SORCS3: variants seen among roughly 807,000 people sequenced by gnomAD.
SORCS3 encodes the protein sortilin related VPS10 domain containing receptor 3.
In SORCS3, 57 loss-of-function variants were observed where a neutral mutation model predicts 146.3. That is an observed-to-expected ratio of 0.39 (90% CI 0.31 to 0.49). SORCS3 has a LOEUF of 0.49. Ranked by LOEUF, SORCS3 falls within the 20% of genes least tolerant of loss-of-function variation. The probability of loss-of-function intolerance (pLI) is 0.92; values close to 1 mark genes in which losing one functional copy is unlikely to be tolerated. For synonymous variants in SORCS3, 653 were observed against 618.5 expected (o/e 1.06, Z -0.83); for missense variants, 1,341 against 1,575.5 (o/e 0.85, Z 2.52).
chr10:104,972,252 T>A (rs1805945005), intron 3 of SORCS3, among the ~76,000 whole-genome samples: 1 of 152,164 alleles, frequency 6.6e-6, no homozygotes, highest in Admixed American at 6.6e-5. Context: ...GTCAGGTTAT[T>A]ATTGAGGAAG....
At chr10:105,064,658 A>C (rs992664796) in intron 5 of SORCS3, among the ~76,000 whole-genome samples, 1 of 152,160 alleles carries the variant, frequency 6.6e-6, no homozygotes, top group Non-Finnish European at 1.5e-5. Context: ...TCTGATGTTC[A>C]AGGGTGGGAG....
chr10:105,128,232 G>A (rs536787150), intron 7 of SORCS3, among the ~76,000 whole-genome samples: 3 of 152,112 alleles, frequency 2.0e-5, no homozygotes, highest in Admixed American at 6.6e-5. Context: ...GAGCATGATG[G>A]GGAAGCTCCA....
rs532439439 is a variant in SORCS3 at position 104,937,002 on chromosome 10, C to T, written c.795+21070C>T. Among the ~76,000 whole-genome samples, 4 of 152,264 alleles carry T rather than the reference C, an allele frequency of 2.6e-5. No individual in the cohort carries two copies. In the South Asian group the frequency reaches 8.3e-4, roughly 32 times the overall value. ...CCCCAACCTTTTTGGTACCAGGGAC[C>T]AGTTTTGTGAAAGACAATTTTTCCA... On this transcript the variant is annotated intron_variant, in intron 3 of 26. Coordinates refer to ENST00000369701, the MANE Select transcript of SORCS3 (RefSeq NM_014978.3).
At chr10:104,813,979 G>A (rs1322851043) in intron 1 of SORCS3, among the ~76,000 whole-genome samples, 1 of 149,338 alleles carries the variant, frequency 6.7e-6, no homozygotes, top group Admixed American at 6.7e-5. Flanking sequence ...AATAGTTTAG[G>A]AAGACTTATG....
At chr10:105,154,034 C>T (rs888637292) in intron 9 of SORCS3, among the ~76,000 whole-genome samples, 1 of 135,150 alleles carries the variant, frequency 7.4e-6, no homozygotes, top group Non-Finnish European at 1.5e-5. Flanking sequence ...GGTGCCACTG[C>T]ACTCTAGCCC....
intron 1 of SORCS3, among the ~76,000 whole-genome samples, chr10:104,758,243 G>A (rs546643416): frequency 1.3e-5 from 2 of 152,166 alleles, no homozygotes; most frequent in East Asian, 1.9e-4. Flanking sequence ...GCTTTGTTGC[G>A]GTGGGTATGA....
chr10:105,256,725 T>C, intron 24 of SORCS3, 94 bp from the exon 25 acceptor site: 1 of 872,172 alleles, frequency 1.1e-6, no homozygotes. Flanking sequence ...AGGATGGAGA[T>C]CAGTGGCCTC....
chr10:104,834,751 GTT>G (rs2018047000), intron 1 of SORCS3, among the ~76,000 whole-genome samples: 2 of 150,450 alleles, frequency 1.3e-5, no homozygotes, highest in Admixed American at 6.6e-5. Flanking sequence ...AAAGAGGCTG[GTT>G]TGTTTTCTTT....
At chr10:105,054,777 A>G (rs569313864) in intron 5 of SORCS3, among the ~76,000 whole-genome samples, 1 of 152,264 alleles carries the variant, frequency 6.6e-6, no homozygotes, top group South Asian at 2.1e-4. Context: ...TGGCCAGAAC[A>G]CATTGTGTTT....
intron 4 of SORCS3, among the ~76,000 whole-genome samples, chr10:105,018,773 T>C (rs1434709768): frequency 6.6e-6 from 1 of 152,304 alleles, no homozygotes; most frequent in South Asian, 2.1e-4. Context: ...TGACTAATTA[T>C]AGTTATATAC....
chr10:104,978,952 G>A (rs2054917690), intron 4 of SORCS3, among the ~76,000 whole-genome samples: 1 of 152,106 alleles, frequency 6.6e-6, no homozygotes, highest in East Asian at 1.9e-4. Flanking sequence ...TCTTTCAGTT[G>A]CTTGCCCTAC....
intron 14 of SORCS3, among the ~76,000 whole-genome samples, chr10:105,189,956 A>G (rs2056505974): frequency 6.6e-6 from 1 of 152,216 alleles, no homozygotes; most frequent in Non-Finnish European, 1.5e-5. Flanking sequence ...CATAATTGGA[A>G]CTTTCTAGAT....
At chr10:105,254,707 G>A (rs2056919938) in intron 23 of SORCS3, among the ~76,000 whole-genome samples, 1 of 151,978 alleles carries the variant, frequency 6.6e-6, no homozygotes, top group Admixed American at 6.6e-5. Context: ...GCTGAGGCAG[G>A]AGAATCGCTT....
At chr10:104,973,084 G>T (rs984923765) in intron 3 of SORCS3, among the ~76,000 whole-genome samples, 1 of 151,970 alleles carries the variant, frequency 6.6e-6, no homozygotes, top group Admixed American at 6.6e-5. Flanking sequence ...ATGTGCTGCT[G>T]GATTCGTTTT....
intron 20 of SORCS3, among the ~76,000 whole-genome samples, chr10:105,244,106 G>T (rs1456593400): frequency 1.3e-5 from 2 of 152,142 alleles, no homozygotes; most frequent in Non-Finnish European, 2.9e-5. Context: ...AGCTGCCTTA[G>T]ATCAGCCTCC....
At chr10:104,673,264 T>G (rs2133258934) in intron 1 of SORCS3, among the ~76,000 whole-genome samples, 1 of 152,310 alleles carries the variant, frequency 6.6e-6, no homozygotes, top group South Asian at 2.1e-4. Flanking sequence ...AGTTAATTAC[T>G]GATAAGGAGG....
At chr10:104,799,079 A>G (rs1350853611) in intron 1 of SORCS3, among the ~76,000 whole-genome samples, 1 of 152,178 alleles carries the variant, frequency 6.6e-6, no homozygotes, top group Non-Finnish European at 1.5e-5. Context: ...AGAAATAGGA[A>G]CGCTTTTACA....
At chr10:104,995,675 G>A (rs573876872) in intron 4 of SORCS3, among the ~76,000 whole-genome samples, 4 of 152,160 alleles carry the variant, frequency 2.6e-5, no homozygotes, top group South Asian at 4.2e-4. Flanking sequence ...TTTCAAATGC[G>A]TGATTTACGG....
At chr10:105,156,640 T>C (rs373836750) in intron 9 of SORCS3, among the ~76,000 whole-genome samples, 15 of 152,298 alleles carry the variant, frequency 9.8e-5, no homozygotes, top group African/African-American at 3.1e-4. Flanking sequence ...AGTGAGCTAG[T>C]GGCATGGAAA....
Sources: gnomAD v4.1 joint callset for allele counts (sites outside exome capture counted in the v4.1 genomes callset) on GRCh38, gnomAD v4.1.1 for gene constraint, MANE v1.5 for transcripts, NCBI Gene and HGNC (gene_info 2026-07-23, HGNC 2026-07-21) for gene names.